SGPP2: variants seen among roughly 807,000 people sequenced by gnomAD.
The protein encoded by SGPP2 is sphingosine-1-phosphate phosphatase 2, also known as sphingosine 1-phosphate phosphohydrolase 2.
In SGPP2, 30 loss-of-function variants were observed where a neutral mutation model predicts 33.9. The observed-to-expected ratio is 0.89, with a 90% CI of 0.66 to 1.20. The LOEUF (loss-of-function observed/expected upper bound fraction) is 1.20. Among genes scored for constraint, SGPP2 ranks in the 50% most tolerant of loss-of-function variants. SGPP2 has a pLI of 0.00. For synonymous variants in SGPP2, 233 were observed against 225.0 expected, an observed-to-expected ratio of 1.04 and a Z score of -0.32; for missense variants, 458 against 532.1, an observed-to-expected ratio of 0.86 and a Z score of 1.37.
At chr2:222,552,528 C>T (rs1574893049) in intron 4 of SGPP2, among the ~76,000 whole-genome samples, 1 of 152,070 alleles carries the variant, frequency 6.6e-6, no homozygotes, top group South Asian at 2.1e-4. Flanking sequence ...GTCTACTGCT[C>T]AGGTGATAGG....
At position 222,460,321 on chromosome 2, in the gene SGPP2, GT is replaced by G. The variant is rs1241661709; in HGVS notation, c.220-14245del. On this transcript the variant is annotated intron_variant, in intron 1 of 4. Transcript: ENST00000321276. The surrounding 1 kb of genome is among the most constrained non-coding windows in gnomAD (Gnocchi z 4.3). ...CATGAGACTCCCTGAGTACCCAGCTGTTATTTCAGATGTGAGGTGGGAGCGC... is the reference window on the plus strand; with the variant it reads ...CATGAGACTCCCTGAGTACCCAGCTGTATTTCAGATGTGAGGTGGGAGCGC... 1.3e-5 allele frequency among the ~76,000 whole-genome samples: 2 copies of G among 152,182 alleles called. No individual in the cohort carries two copies. The highest frequency in any genetic ancestry group is 4.8e-5 in the African/African-American group (2 of 41,450).
At chr2:222,503,232 T>C (rs1436898138) in intron 2 of SGPP2, among the ~76,000 whole-genome samples, 1 of 152,230 alleles carries the variant, frequency 6.6e-6, no homozygotes, top group Non-Finnish European at 1.5e-5. Context: ...GCGTTGTTGC[T>C]AAGGACGAGG....
intron 2 of SGPP2, among the ~76,000 whole-genome samples, chr2:222,497,949 CAAG>C (rs990573121): frequency 6.6e-6 from 1 of 152,036 alleles, no homozygotes; most frequent in African/African-American, 2.4e-5. Context: ...AGTCCCAGGC[CAAG>C]AAGATCTCAA....
intron 4 of SGPP2, among the ~76,000 whole-genome samples, chr2:222,544,435 G>A (rs2106150978): frequency 6.6e-6 from 1 of 152,248 alleles, no homozygotes; most frequent in African/African-American, 2.4e-5. Context: ...TGGGAGACTG[G>A]TTCCACAACT....
At chr2:222,468,569 G>A (rs527993813) in intron 1 of SGPP2, among the ~76,000 whole-genome samples, 29 of 152,260 alleles carry the variant, frequency 1.9e-4, no homozygotes, top group African/African-American at 2.6e-4. Flanking sequence ...TGGGCTGGCC[G>A]CCAAGTCTGC....
In SGPP2 at chr2:222,477,595, A is replaced by ATG. The variant is rs1009626258; in HGVS notation, c.378+2883_378+2884dup. Among the ~76,000 whole-genome samples, 48 of 151,518 alleles carry ATG rather than the reference A, an allele frequency of 3.2e-4. No individual in the cohort carries two copies. The highest frequency in any genetic ancestry group is 5.6e-4 in the African/African-American group (23 of 41,314). On this transcript the variant is annotated intron_variant, in intron 2 of 4. Transcript: ENST00000321276. The surrounding 1 kb of genome is among the most constrained non-coding windows in gnomAD (Gnocchi z 6.0). ...TATGTATATAGGTGTGTGTATATAT[A>ATG]TGTGTGTGTGTGTGTTCTAAATCCC... is the stretch of plus-strand genomic sequence containing the variant.
chr2:222,509,498 T>C (rs1358415699), intron 2 of SGPP2, among the ~76,000 whole-genome samples: 1 of 152,226 alleles, frequency 6.6e-6, no homozygotes, highest in African/African-American at 2.4e-5. Flanking sequence ...AAATGAATCC[T>C]GTGTACTTAT....
chr2:222,467,958 A>AAAAAAAAAAAAAAAAAAAC (rs1697773544), intron 1 of SGPP2, among the ~76,000 whole-genome samples: 1 of 88,780 alleles, frequency 1.1e-5, no homozygotes, highest in African/African-American at 8.2e-5. Context: ...CTGAAAAAAA[A>AAAAAAAAAAAAAAAAAAAC]AAAAAAAAAA....
At chr2:222,483,332 A>G (rs1227742245) in intron 2 of SGPP2, among the ~76,000 whole-genome samples, 1 of 152,116 alleles carries the variant, frequency 6.6e-6, no homozygotes, top group East Asian at 1.9e-4. Flanking sequence ...TGTAGAGCCA[A>G]AGTCCTGGTG....
chr2:222,497,310 TG>T (rs1698297223), intron 2 of SGPP2, among the ~76,000 whole-genome samples: 1 of 143,742 alleles, frequency 7.0e-6, no homozygotes, highest in Non-Finnish European at 1.5e-5. Context: ...TGGAGTGCAA[TG>T]GTGCAATCTC....
chr2:222,454,722 A>C (rs1574839144), intron 1 of SGPP2, among the ~76,000 whole-genome samples: 1 of 150,054 alleles, frequency 6.7e-6, no homozygotes, highest in Non-Finnish European at 1.5e-5. Context: ...TGGACCAAAC[A>C]GTGGAGCTGT....
chr2:222,559,054 A>C lies in SGPP2; in HGVS notation c.*156A>C. On this transcript the variant is annotated 3_prime_UTR_variant, in exon 5 of 5. Transcript: ENST00000321276. ...CAGATAAATGATGCTGCTGTGTGAA[A>C]GGAAGAACTGTCTCATAGCGGTCAT... 1 of 706,430 alleles carries C rather than the reference A, an allele frequency of 1.4e-6. No individual in the cohort carries two copies. The highest frequency in any genetic ancestry group is 2.3e-6 in the Non-Finnish European group (1 of 434,840). 43.8% of individuals were successfully genotyped at this position (706,430 alleles called of 1,614,324 possible). A position where few individuals can be genotyped will look rare whatever the true frequency, so the allele number is the denominator to read the frequency against.
intron 2 of SGPP2, among the ~76,000 whole-genome samples, chr2:222,491,384 C>T (rs1005703478): frequency 3.3e-5 from 5 of 152,206 alleles, no homozygotes; most frequent in East Asian, 1.9e-4. Flanking sequence ...TTATAAACAA[C>T]GGAGGTTTAA....
In SGPP2 at chr2:222,460,890, T is replaced by A. The variant is rs1697648311; in HGVS notation, c.220-13678T>A. ...TTCCTCTCCCTTCATGATGCCTTTT[T>A]AAAAAATCTCTTTAAATTAATTAAG... On this transcript the variant is annotated intron_variant, in intron 1 of 4. Coordinates refer to ENST00000321276, the MANE Select transcript of SGPP2 (RefSeq NM_152386.4). This position sits in a 1 kb window ranked among gnomAD's most constrained non-coding sequence, Gnocchi z 4.3. 1.3e-5 allele frequency among the ~76,000 whole-genome samples: 2 copies of A among 152,110 alleles called. No homozygotes were observed. The highest frequency in any genetic ancestry group is 2.4e-5 in the African/African-American group (1 of 41,396).
chr2:222,463,474 C>T (rs1473674228), intron 1 of SGPP2, among the ~76,000 whole-genome samples: 4 of 152,130 alleles, frequency 2.6e-5, no homozygotes, highest in Admixed American at 6.5e-5. Context: ...GATCATGGTG[C>T]CACAGAAGGG....
At chr2:222,530,836 C>CTT (rs898154348) in intron 4 of SGPP2, among the ~76,000 whole-genome samples, 1 of 152,122 alleles carries the variant, frequency 6.6e-6, no homozygotes, top group Non-Finnish European at 1.5e-5. Flanking sequence ...TTTGAAATGC[C>CTT]TTCCTCACTA....
chr2:222,453,017 C>T, intron 1 of SGPP2: 1 of 1,582,136 alleles, frequency 6.3e-7, no homozygotes, highest in Non-Finnish European at 8.7e-7. Context: ...TTCTGGTCTT[C>T]TGTTTCTTGA....
intron 1 of SGPP2, among the ~76,000 whole-genome samples, chr2:222,448,436 G>A (rs1697428865): frequency 6.6e-6 from 1 of 152,202 alleles, no homozygotes; most frequent in Admixed American, 6.5e-5. Flanking sequence ...AACTGATTGG[G>A]TTTGCACACT....
chr2:222,458,948 G>A (rs536178350), intron 1 of SGPP2, among the ~76,000 whole-genome samples: 3 of 152,152 alleles, frequency 2.0e-5, no homozygotes, highest in South Asian at 2.1e-4. Context: ...AATACATCCA[G>A]ATATTTTGTT....
Sources: gnomAD v4.1 joint callset for allele counts (sites outside exome capture counted in the v4.1 genomes callset) on GRCh38, gnomAD v4.1.1 for gene constraint, Gnocchi (gnomAD v3.1) non-coding constraint, MANE v1.5 for transcripts, NCBI Gene and HGNC (gene_info 2026-07-23, HGNC 2026-07-21) for gene names.